HFM1: variants seen among roughly 807,000 people sequenced by gnomAD.
The protein encoded by HFM1 is helicase for meiosis 1, also known as probable ATP-dependent DNA helicase HFM1.
Under a neutral mutation model 192.1 loss-of-function variants are expected in HFM1, and 169 were observed. The ratio of observed to expected loss-of-function variants is 0.88; its 90% CI spans 0.78 to 1.00. HFM1 has a LOEUF of 1.00. HFM1 is among the 50% of genes least tolerant of loss of function. HFM1 has a pLI of 0.00. For missense variants in HFM1, 1,661 were observed against 1,668.0 expected, an observed-to-expected ratio of 1.00 and a Z score of 0.07; for synonymous variants, 525 against 537.8, an observed-to-expected ratio of 0.98 and a Z score of 0.33.
intron 20 of HFM1, 131 bp downstream of exon 20, chr1:91,343,299 T>A (rs561176557): frequency 2.5e-6 from 1 of 395,576 alleles, no homozygotes; most frequent in Non-Finnish European, 4.7e-6. Flanking sequence ...CTATGGCTAA[T>A]AATGATGATA....
In HFM1 at chr1:91,396,385, G is replaced by A. The variant is rs755906039; in HGVS notation, c.92C>T (p.Ser31Leu). 2 of 1,591,240 alleles carry A rather than the reference G, an allele frequency of 1.3e-6. No individual in the cohort carries two copies. The highest frequency in any genetic ancestry group is 2.3e-5 in the South Asian group (2 of 88,350). ...AGCAGGAGGGAGAAACCAATCCAATGACTTTTCATTGTCTGGATGGCTATA... is the reference window on the plus strand; with the variant it reads ...AGCAGGAGGGAGAAACCAATCCAATAACTTTTCATTGTCTGGATGGCTATA... ...EVENHPDNEKSLDWFLPPAPL... is the reference protein window; with the variant it reads ...EVENHPDNEKLLDWFLPPAPL... The change falls in exon 3 of 39, where the codon TCA (serine) becomes TTA (leucine). Residue 31 changes from serine to leucine, a missense_variant. Coordinates refer to ENST00000370425, the MANE Select transcript of HFM1 (RefSeq NM_001017975.6).
At chr1:91,265,574 C>T (rs192947598) in intron 36 of HFM1, among the ~76,000 whole-genome samples, 28 of 152,290 alleles carry the variant, frequency 1.8e-4, no homozygotes, top group Admixed American at 1.8e-3. Context: ...AATAAGACTT[C>T]AGCAACAGAC....
intron 19 of HFM1, among the ~76,000 whole-genome samples, chr1:91,344,186 AG>A (rs909377271): frequency 1.3e-5 from 2 of 152,182 alleles, no homozygotes; most frequent in Non-Finnish European, 2.9e-5. Context: ...GAGCAATTGT[AG>A]TAATCTGCTG....
At chr1:91,326,751 T>C (rs1442402448) in intron 20 of HFM1, among the ~76,000 whole-genome samples, 1 of 138,166 alleles carries the variant, frequency 7.2e-6, no homozygotes, top group South Asian at 2.5e-4. Context: ...GTGTGTAAAC[T>C]TCTCTTGACT....
chr1:91,344,448 A>G (rs2101659513), intron 19 of HFM1, among the ~76,000 whole-genome samples: 1 of 152,334 alleles, frequency 6.6e-6, no homozygotes. Context: ...AAATCAGTTC[A>G]TTACCCACTC....
rs557020420 is a variant in HFM1, at chr1:91,365,432, T to C, written c.1685+9926A>G. 2.6e-5 allele frequency among the ~76,000 whole-genome samples: 4 copies of C among 152,262 alleles called. No individual in the cohort carries two copies. In the East Asian group the frequency reaches 5.8e-4, roughly 22 times the overall value. ...TGCATCACTACAGTAACCATTTTAC[T>C]AGCTATATGAATCACATAACATCAT... On this transcript the variant is annotated intron_variant, in intron 13 of 38. Coordinates refer to ENST00000370425, the MANE Select transcript of HFM1 (RefSeq NM_001017975.6).
chr1:91,294,448 T>C (rs971794684), intron 30 of HFM1, among the ~76,000 whole-genome samples: 1 of 152,220 alleles, frequency 6.6e-6, no homozygotes, highest in Non-Finnish European at 1.5e-5. Context: ...TTGTTGTGTG[T>C]AGTCATAGGT....
In HFM1 at chr1:91,315,812, T is replaced by C. The variant is rs1428431658; in HGVS notation, c.3140+3A>G. On this transcript the variant is annotated splice_donor_region_variant and intron_variant, in intron 28 of 38. Transcript: ENST00000370425. The stretch of plus-strand genomic sequence containing the variant: ...GATCAAACATCAGAAATTTCACACT[T>C]ACGTAATCTTGTGCAGATAAACTAC... 1 of 1,594,390 alleles carries C rather than the reference T, an allele frequency of 6.3e-7. No homozygotes were observed. The highest frequency in any genetic ancestry group is 1.1e-5 in the South Asian group (1 of 87,874).
intron 15 of HFM1, 90 bp from the exon 16 acceptor site, chr1:91,352,741 A>AT (rs1288552008): frequency 1.1e-6 from 1 of 940,640 alleles, no homozygotes; most frequent in Non-Finnish European, 1.5e-6. Flanking sequence ...TATAAATGTA[A>AT]TAAAAACTCA....
At chr1:91,349,097 G>A (rs1474371430) in intron 18 of HFM1, among the ~76,000 whole-genome samples, 1 of 152,110 alleles carries the variant, frequency 6.6e-6, no homozygotes, top group Non-Finnish European at 1.5e-5. Flanking sequence ...AGACCAGCCT[G>A]GTCAACATGG....
At chr1:91,389,812 G>T (rs1662712864) in intron 4 of HFM1, among the ~76,000 whole-genome samples, 1 of 152,162 alleles carries the variant, frequency 6.6e-6, no homozygotes, top group Non-Finnish European at 1.5e-5. Flanking sequence ...AAAAAAGACA[G>T]AAAATAACAA....
intron 13 of HFM1, among the ~76,000 whole-genome samples, chr1:91,354,026 G>C (rs529664830): frequency 1.3e-5 from 2 of 151,050 alleles, no homozygotes; most frequent in South Asian, 2.1e-4. Context: ...TTTGTAAACT[G>C]TCTGAAAAGG....
At chr1:91,284,497 C>T (rs1176246818) in intron 30 of HFM1, among the ~76,000 whole-genome samples, 5 of 152,132 alleles carry the variant, frequency 3.3e-5, no homozygotes, top group Admixed American at 3.3e-4. Flanking sequence ...GGTGATCTGC[C>T]TGCCTTCGGC....
intron 15 of HFM1, 41 bp downstream of exon 15, chr1:91,353,009 CA>C (rs1553213177): frequency 3.2e-6 from 4 of 1,258,908 alleles, no homozygotes; most frequent in Non-Finnish European, 4.5e-6. Flanking sequence ...AATAATTTTC[CA>C]AAATATTTTA....
At chr1:91,287,701 G>A (rs976250657) in intron 30 of HFM1, among the ~76,000 whole-genome samples, 6 of 151,790 alleles carry the variant, frequency 4.0e-5, no homozygotes, top group Non-Finnish European at 7.4e-5. Context: ...GTCTTCAGAC[G>A]ATCAAATTAC....
chr1:91,274,753 T>A lies in HFM1; in HGVS notation c.3645A>T (p.Lys1215Asn), dbSNP rs1232001565. 1 of 1,554,446 alleles carries A rather than the reference T, an allele frequency of 6.4e-7. No individual in the cohort carries two copies. The highest frequency in any genetic ancestry group is 8.9e-7 in the Non-Finnish European group (1 of 1,127,936). Residue 1215 changes from lysine (K) to asparagine (N), a missense_variant, in exon 33 of 39, where the codon AAA becomes AAT. Lys to Asn is a moderately conservative substitution (Grantham distance 94). Coordinates refer to ENST00000370425, the MANE Select transcript of HFM1 (RefSeq NM_001017975.6). Reference protein sequence around the residue: ...VDLKEFGFTPKPSLPSISRSE... With the variant: ...VDLKEFGFTPNPSLPSISRSE... ...ACCTTGATATACTAGGAAGGGAAGG[T>A]TTTGGAGTAAAACCAAACTCTTTAA...
chr1:91,404,330 A>C (rs1664629428), intron 1 of HFM1, among the ~76,000 whole-genome samples: 1 of 152,228 alleles, frequency 6.6e-6, no homozygotes, highest in African/African-American at 2.4e-5. Context: ...CGAGAGTGGC[A>C]CAAGAACGGG....
chr1:91,264,519 C>T (rs1485545446), intron 36 of HFM1, among the ~76,000 whole-genome samples: 1 of 148,254 alleles, frequency 6.7e-6, no homozygotes, highest in African/African-American at 2.5e-5. Context: ...ACTACAGGCG[C>T]CCGCCATCAC....
intron 30 of HFM1, among the ~76,000 whole-genome samples, chr1:91,282,090 A>G (rs281939): frequency 0.19 from 29,282 of 152,182 alleles, 3,103 homozygotes; most frequent in Non-Finnish European, 0.24. Context: ...TTTAATGTGA[A>G]GATTTCTGTC....
Sources: allele counts gnomAD v4.1 joint callset (sites outside exome capture counted in the v4.1 genomes callset), GRCh38; gene constraint gnomAD v4.1.1; transcripts MANE v1.5; gene names NCBI Gene and HGNC (gene_info 2026-07-23, HGNC 2026-07-21).